The following INPP4B variants were observed in gnomAD, a reference collection of about 807,000 sequenced individuals.
The protein encoded by INPP4B is inositol polyphosphate 4-phosphatase type II.
In INPP4B, 55 loss-of-function variants were observed where a neutral mutation model predicts 122.5. The observed-to-expected ratio is 0.45, with a 90% confidence interval of 0.36 to 0.56. The LOEUF (loss-of-function observed/expected upper bound fraction) is 0.56, where lower values mean the gene tolerates loss of function less well. INPP4B is among the 20% of genes least tolerant of loss of function. INPP4B has a pLI of 0.00. For synonymous variants in INPP4B, 403 were observed against 388.7 expected, an observed-to-expected ratio of 1.04 and a Z score of -0.43; for missense variants, 1,000 against 1,097.7, an observed-to-expected ratio of 0.91 and a Z score of 1.26.
rs28495283 is a variant in INPP4B at position 142,175,318 on chromosome 4, A to T, written c.1182-1509T>A. Among the ~76,000 whole-genome samples the T allele has an allele frequency of 4.4e-3, 676 of 152,252 alleles. 3 individuals are homozygous for T. The highest frequency in any genetic ancestry group is 0.015 in the African/African-American group (639 of 41,536). On this transcript the variant is annotated intron_variant, in intron 15 of 25. Transcript: ENST00000262992. ...TGATCTGTTCTATTCTTCTCACACT[A>T]GTGATTTTTCAGGGGAAAATTATCA...
chr4:142,110,032 ATT>A (rs1789217647), intron 22 of INPP4B, among the ~76,000 whole-genome samples: 1 of 152,192 alleles, frequency 6.6e-6, no homozygotes. Flanking sequence ...ATCAACTGGT[ATT>A]TAAAAAATAC....
intron 3 of INPP4B, among the ~76,000 whole-genome samples, chr4:142,450,287 T>C (rs1813852172): frequency 6.6e-6 from 1 of 152,180 alleles, no homozygotes; most frequent in Non-Finnish European, 1.5e-5. Flanking sequence ...GCAAGGACAG[T>C]TAGAGCACAG....
intron 7 of INPP4B, among the ~76,000 whole-genome samples, chr4:142,372,500 C>T (rs1263439955): frequency 6.6e-6 from 1 of 152,028 alleles, no homozygotes; most frequent in Non-Finnish European, 1.5e-5. Context: ...CAAAATATCA[C>T]ATGTACCCCA....
At chr4:142,635,806 T>C (rs984170673) in intron 2 of INPP4B, among the ~76,000 whole-genome samples, 3 of 152,070 alleles carry the variant, frequency 2.0e-5, no homozygotes, top group African/African-American at 7.2e-5. Context: ...CAAACCCCCA[T>C]GACATGACTT....
At chr4:142,643,123 C>G (rs982418084) in intron 2 of INPP4B, among the ~76,000 whole-genome samples, 1 of 152,042 alleles carries the variant, frequency 6.6e-6, no homozygotes, top group Non-Finnish European at 1.5e-5. Flanking sequence ...GATTTTGTAT[C>G]CTGAGACTTT....
intron 2 of INPP4B, among the ~76,000 whole-genome samples, chr4:142,469,955 C>A (rs1818511092): frequency 6.6e-6 from 1 of 151,882 alleles, no homozygotes; most frequent in African/African-American, 2.4e-5. Context: ...GTTGCCTATC[C>A]TTTTAGAATA....
At chr4:142,099,335 A>G (rs1457584057) in intron 23 of INPP4B, among the ~76,000 whole-genome samples, 1 of 152,180 alleles carries the variant, frequency 6.6e-6, no homozygotes, top group East Asian at 1.9e-4. Flanking sequence ...AATATGAACA[A>G]TATATGAAGA....
chr4:142,666,693 C>T (rs1035521494), intron 2 of INPP4B, among the ~76,000 whole-genome samples: 1 of 151,932 alleles, frequency 6.6e-6, no homozygotes, highest in African/African-American at 2.4e-5. Flanking sequence ...TGCTGTTGAA[C>T]ACCTACTGTT....
At chr4:142,181,129 A>C (rs1179131908) in intron 15 of INPP4B, among the ~76,000 whole-genome samples, 2 of 152,202 alleles carry the variant, frequency 1.3e-5, no homozygotes, top group East Asian at 3.9e-4. Context: ...AAGAGCTTGC[A>C]AACCTAAGGC....
intron 9 of INPP4B, among the ~76,000 whole-genome samples, chr4:142,288,449 T>G (rs1253739019): frequency 6.6e-6 from 1 of 152,134 alleles, no homozygotes; most frequent in Non-Finnish European, 1.5e-5. Context: ...CTGAGCGTGG[T>G]GTCAGGTGCC....
At chr4:142,466,370 A>C (rs1425210714) in intron 2 of INPP4B, among the ~76,000 whole-genome samples, 1 of 152,190 alleles carries the variant, frequency 6.6e-6, no homozygotes, top group Non-Finnish European at 1.5e-5. Flanking sequence ...TGTCCTAGGA[A>C]TCTGTGGAAA....
At chr4:142,687,348 T>G (rs781634080) in intron 2 of INPP4B, among the ~76,000 whole-genome samples, 2 of 151,842 alleles carry the variant, frequency 1.3e-5, no homozygotes, top group Non-Finnish European at 2.9e-5. Context: ...AACTGAGGAA[T>G]GAGAAAATCA....
At chr4:142,648,431 C>G (rs1284616611) in intron 2 of INPP4B, among the ~76,000 whole-genome samples, 1 of 152,164 alleles carries the variant, frequency 6.6e-6, no homozygotes, top group Non-Finnish European at 1.5e-5. Flanking sequence ...GAAGCTGTGA[C>G]AGACTGTACC....
At chr4:142,550,004 T>C (rs546612246) in intron 2 of INPP4B, among the ~76,000 whole-genome samples, 1 of 152,318 alleles carries the variant, frequency 6.6e-6, no homozygotes, top group Admixed American at 6.5e-5. Context: ...CATTTGAGCC[T>C]GTTCTAGCAG....
At chr4:142,442,166 A>T in intron 3 of INPP4B, among the ~76,000 whole-genome samples, 1 of 152,072 alleles carries the variant, frequency 6.6e-6, no homozygotes, top group Admixed American at 6.6e-5. Flanking sequence ...TAATCCCAGC[A>T]CTTTGGGAGG....
At chr4:142,282,309 G>T (rs1751562523) in intron 9 of INPP4B, among the ~76,000 whole-genome samples, 1 of 152,108 alleles carries the variant, frequency 6.6e-6, no homozygotes, top group African/African-American at 2.4e-5. Context: ...TTGAGAAACA[G>T]CAAAGATGCC....
chr4:142,442,411 C>CAAAAAAA (rs70949167), intron 3 of INPP4B, among the ~76,000 whole-genome samples: 14 of 78,428 alleles, frequency 1.8e-4, no homozygotes, highest in Non-Finnish European at 2.6e-4. Context: ...GACTCCATCT[C>CAAAAAAA]AAAAAAAAAA....
intron 2 of INPP4B, among the ~76,000 whole-genome samples, chr4:142,656,006 T>C (rs1052103391): frequency 3.9e-5 from 6 of 152,166 alleles, no homozygotes; most frequent in Non-Finnish European, 7.3e-5. Flanking sequence ...TTAAAGGCAA[T>C]ACTAAATCAT....
intron 2 of INPP4B, among the ~76,000 whole-genome samples, chr4:142,487,040 A>C (rs1197088162): frequency 6.6e-6 from 1 of 152,148 alleles, no homozygotes. Context: ...ACCCGGTGAA[A>C]GAAGATTGAA....
Sources: allele counts gnomAD v4.1 joint callset (sites outside exome capture counted in the v4.1 genomes callset), GRCh38; gene constraint gnomAD v4.1.1; transcripts MANE v1.5; gene names NCBI Gene and HGNC (gene_info 2026-07-23, HGNC 2026-07-21).